Variants in KCTD16 observed in about 807,000 individuals in gnomAD.
KCTD16 encodes the protein potassium channel tetramerization domain containing 16.
In KCTD16, 13 loss-of-function variants were observed where a neutral mutation model predicts 33.2. The observed-to-expected ratio is 0.39, with a 90% CI of 0.25 to 0.62. KCTD16 has a LOEUF of 0.62. Ranked by LOEUF, KCTD16 falls within the 20% of genes least tolerant of loss-of-function variation. KCTD16 has a pLI of 0.50. For missense variants in KCTD16, 441 were observed against 525.1 expected (o/e 0.84, Z 1.57); for synonymous variants, 197 against 195.3 (o/e 1.01, Z -0.07).
chr5:144,464,707 C>CTT (rs1754278763), intron 3 of KCTD16, among the ~76,000 whole-genome samples: 2 of 134,020 alleles, frequency 1.5e-5, no homozygotes, highest in East Asian at 2.8e-4. Flanking sequence ...TCTTCCTCCT[C>CTT]CTCTTCTTCT....
In KCTD16 at chr5:144,438,504, C is replaced by T. The variant is rs933956704; in HGVS notation, c.833-35156C>T. ...AGACAAGTTCCTATTTCATAGTAGC[C>T]ACAGTAATAAACCTAGAGCTTTGAG... On this transcript the variant is annotated intron_variant, in intron 3 of 3. Transcript: ENST00000512467. Among the ~76,000 whole-genome samples the T allele has an allele frequency of 5.3e-5, 8 of 152,146 alleles. No individual in the cohort carries two copies. In the South Asian group the frequency reaches 1.7e-3, roughly 32 times the overall value.
intron 3 of KCTD16, among the ~76,000 whole-genome samples, chr5:144,393,568 TGTGA>T (rs1752498477): frequency 6.6e-6 from 1 of 151,750 alleles, no homozygotes; most frequent in Non-Finnish European, 1.5e-5. Context: ...AGAGAGAGAG[TGTGA>T]GTGTGTGTGT....
intron 3 of KCTD16, among the ~76,000 whole-genome samples, chr5:144,344,487 A>T (rs1375412496): frequency 6.6e-6 from 1 of 151,762 alleles, no homozygotes; most frequent in Non-Finnish European, 1.5e-5. Flanking sequence ...GAATCTACAA[A>T]GAACTTCAAC....
At chr5:144,374,861 A>G (rs1752049974) in intron 3 of KCTD16, among the ~76,000 whole-genome samples, 1 of 152,146 alleles carries the variant, frequency 6.6e-6, no homozygotes, top group South Asian at 2.1e-4. Flanking sequence ...TTAGAACTAC[A>G]GGTTTGTTTC....
intron 3 of KCTD16, among the ~76,000 whole-genome samples, chr5:144,221,745 A>G (rs1753762243): frequency 6.6e-6 from 1 of 152,156 alleles, no homozygotes; most frequent in Non-Finnish European, 1.5e-5. Context: ...ATGTGTCTTT[A>G]GAGTAGGATG....
At chr5:144,456,968 A>T (rs1360430580) in intron 3 of KCTD16, among the ~76,000 whole-genome samples, 1 of 152,234 alleles carries the variant, frequency 6.6e-6, no homozygotes, top group Non-Finnish European at 1.5e-5. Flanking sequence ...AAATGTTTTA[A>T]ATAAAATATC....
intron 3 of KCTD16, among the ~76,000 whole-genome samples, chr5:144,292,044 A>G (rs1755908229): frequency 6.6e-6 from 1 of 152,230 alleles, no homozygotes; most frequent in South Asian, 2.1e-4. Flanking sequence ...CTATTTTTCA[A>G]TATAATTGGT....
At chr5:144,397,968 C>T (rs1752612041) in intron 3 of KCTD16, among the ~76,000 whole-genome samples, 1 of 152,186 alleles carries the variant, frequency 6.6e-6, no homozygotes, top group Non-Finnish European at 1.5e-5. Flanking sequence ...TTGGATAGAG[C>T]ATGTCAGGTG....
rs553033640 is a variant in KCTD16 at position 144,287,626 on chromosome 5, T to C, written c.832+80080T>C. Among the ~76,000 whole-genome samples, 15 of 152,264 alleles carry C rather than the reference T, an allele frequency of 9.9e-5. No individual in the cohort carries two copies. The East Asian group carries it at 2.5e-3, about 25-fold the overall frequency. On this transcript the variant is annotated intron_variant, in intron 3 of 3. Transcript: ENST00000512467. Reference sequence around the variant, plus strand: ...ATACCTGATACAAGGTTATAGTCTTTAATAATAATATTATTATTATTCTTT... The same window carrying C: ...ATACCTGATACAAGGTTATAGTCTTCAATAATAATATTATTATTATTCTTT...
At chr5:144,321,465 G>A (rs1011681969) in intron 3 of KCTD16, among the ~76,000 whole-genome samples, 3 of 152,230 alleles carry the variant, frequency 2.0e-5, no homozygotes, top group Admixed American at 1.3e-4. Context: ...AGAAATTGAG[G>A]CATGATACAG....
chr5:144,440,595 G>T (rs1226920053), intron 3 of KCTD16, among the ~76,000 whole-genome samples: 1 of 151,854 alleles, frequency 6.6e-6, no homozygotes, highest in Non-Finnish European at 1.5e-5. Flanking sequence ...ACTTTGGGAG[G>T]CCAAGGCAGG....
At chr5:144,368,295 T>G (rs530069330) in intron 3 of KCTD16, among the ~76,000 whole-genome samples, 19 of 152,222 alleles carry the variant, frequency 1.2e-4, no homozygotes, top group African/African-American at 4.3e-4. Context: ...CTGGATTATC[T>G]AGATAGGCCC....
intron 3 of KCTD16, among the ~76,000 whole-genome samples, chr5:144,373,031 A>T (rs551364692): frequency 1.3e-5 from 2 of 152,278 alleles, no homozygotes; most frequent in East Asian, 3.9e-4. Flanking sequence ...GATTTAAGAA[A>T]AATTGAAGAC....
chr5:144,196,784 T>C (rs1057346630), intron 2 of KCTD16, among the ~76,000 whole-genome samples: 4 of 152,200 alleles, frequency 2.6e-5, no homozygotes, highest in Non-Finnish European at 5.9e-5. Context: ...CAAACAATTG[T>C]CTGATGTCCT....
intron 3 of KCTD16, among the ~76,000 whole-genome samples, chr5:144,413,097 T>C (rs980276499): frequency 1.3e-5 from 2 of 152,238 alleles, no homozygotes; most frequent in Non-Finnish European, 2.9e-5. Context: ...TTTTTGCATG[T>C]ACCCTGAAAA....
chr5:144,231,040 G>C (rs557788644), intron 3 of KCTD16, among the ~76,000 whole-genome samples: 8 of 152,166 alleles, frequency 5.3e-5, no homozygotes, highest in Non-Finnish European at 7.4e-5. Flanking sequence ...CTTATGTGAC[G>C]TGCTGAACTA....
intron 3 of KCTD16, among the ~76,000 whole-genome samples, chr5:144,333,884 G>A (rs1236485713): frequency 6.6e-6 from 1 of 152,072 alleles, no homozygotes; most frequent in Non-Finnish European, 1.5e-5. Context: ...TGCCACATCT[G>A]GCTCCCTCTT....
intron 2 of KCTD16, among the ~76,000 whole-genome samples, chr5:144,185,599 G>A (rs1752708997): frequency 6.6e-6 from 1 of 152,006 alleles, no homozygotes; most frequent in Non-Finnish European, 1.5e-5. Flanking sequence ...CTGGAGCAAG[G>A]GTGACAGCAA....
At chr5:144,347,609 G>A (rs1752838882) in intron 3 of KCTD16, among the ~76,000 whole-genome samples, 1 of 152,124 alleles carries the variant, frequency 6.6e-6, no homozygotes, top group South Asian at 2.1e-4. Flanking sequence ...TCAGGGAGGG[G>A]TGTCAGGACA....
Sources: allele counts gnomAD v4.1 joint callset (sites outside exome capture counted in the v4.1 genomes callset), GRCh38; gene constraint gnomAD v4.1.1; transcripts MANE v1.5; gene names NCBI Gene and HGNC (gene_info 2026-07-23, HGNC 2026-07-21).